The following NUP43 variants were observed in gnomAD, a reference collection of about 807,000 sequenced individuals.
NUP43 encodes nucleoporin 43.
Under a neutral mutation model 47.3 loss-of-function variants are expected in NUP43, and 32 were observed. The ratio of observed to expected loss-of-function variants is 0.68; its 90% CI spans 0.51 to 0.91. The LOEUF is 0.91. NUP43 is among the 40% of genes least tolerant of loss of function. NUP43 has a pLI of 0.00. For synonymous variants in NUP43, 147 were observed against 158.4 expected (o/e 0.93, Z 0.54); for missense variants, 444 against 453.9 (o/e 0.98, Z 0.20).
intron 7 of NUP43, chr6:149,729,647 TC>T: frequency 2.3e-6 from 1 of 433,220 alleles, no homozygotes; most frequent in Non-Finnish European, 3.1e-6. Flanking sequence ...CCTTTTGTTT[TC>T]CCAGCCCTTC....
chr6:149,729,575 C>G (rs1784933629), intron 7 of NUP43: 1 of 967,200 alleles, frequency 1.0e-6, no homozygotes, highest in Admixed American at 6.2e-5. Flanking sequence ...GGGGTACTAA[C>G]AATTACTATT....
chr6:149,727,944 C>T, intron 7 of NUP43: 3 of 984,796 alleles, frequency 3.0e-6, no homozygotes, highest in Non-Finnish European at 2.4e-6. Flanking sequence ...TACTATGTGC[C>T]AGGCTCTGTG....
upstream of NUP43, among the ~76,000 whole-genome samples, chr6:149,748,808 CAAAAAAAAAAAAAAA>C (rs1161065299): frequency 8.9e-4 from 78 of 87,364 alleles, no homozygotes; most frequent in African/African-American, 3.1e-3. Context: ...GACTCCGTCT[CAAAAAAAAAAAAAAA>C]AAAAAAAAAA....
intron 2 of NUP43, 129 bp downstream of exon 2, chr6:149,745,811 C>T: frequency 1.4e-6 from 1 of 711,442 alleles, no homozygotes; most frequent in Non-Finnish European, 2.2e-6. Context: ...TTGGGCAAAT[C>T]ATAACTTACA....
Position 149,736,570 on chromosome 6 carries a change from G to C in NUP43, c.691C>G (p.His231Asp), listed in dbSNP as rs1316740007. 6.2e-7 allele frequency: 1 copy of C among 1,610,232 alleles called. No individual in the cohort carries two copies. The highest frequency in any genetic ancestry group is 8.5e-7 in the Non-Finnish European group (1 of 1,176,936). The change falls in exon 6 of 8, where the codon CAT becomes GAT. Residue 231 changes from histidine to aspartate, a missense_variant. By Grantham distance (81) the His-to-Asp change is moderately conservative. Transcript: ENST00000340413. ...TCTTGGCCACCAGTAGCTACAACAT[G>C]CTGTTGGTTGGGATGTCTATCAACA... is the stretch of plus-strand genomic sequence containing the variant. Reference protein sequence around the residue: ...HCVDRHPNQQHVVATGGQDGM... With the variant: ...HCVDRHPNQQDVVATGGQDGM...
chr6:149,727,119 G>A lies in NUP43; in HGVS notation c.993C>T (p.Leu331=). 1.2e-6 allele frequency: 2 copies of A among 1,614,124 alleles called. No individual in the cohort carries two copies. The highest frequency in any genetic ancestry group is 2.2e-5 in the South Asian group (2 of 91,084). The change falls in exon 8 of 8, where the codon CTC becomes CTT. Residue 331 remains leucine, a synonymous_variant. Coordinates refer to ENST00000340413, the MANE Select transcript of NUP43 (RefSeq NM_198887.3). The part of the protein sequence containing the change: ...NVHQSVISSW[L]STDPAKDRIE... Reference sequence around the variant, plus strand: ...TTCGGTCTTTTGCAGGATCAGTGCTGAGCCAGGAGCTAATGACAGACTGGT... The same window carrying A: ...TTCGGTCTTTTGCAGGATCAGTGCTAAGCCAGGAGCTAATGACAGACTGGT...
At chr6:149,740,691 C>G (rs113555544) in intron 4 of NUP43, among the ~76,000 whole-genome samples, 4,481 of 152,188 alleles carry the variant, frequency 0.029, 236 homozygotes, top group African/African-American at 0.1. Context: ...CCTAGAGATT[C>G]TGATTTAAAA....
At chr6:149,747,479 G>T (rs1273906076), upstream of NUP43, among the ~76,000 whole-genome samples, 1 of 150,510 alleles carries the variant, frequency 6.6e-6, no homozygotes, top group East Asian at 1.9e-4. Context: ...GGAGAGACGG[G>T]ATTTCACCAT....
In NUP43 at chr6:149,746,056, A is replaced by G; in HGVS notation, c.127T>C (p.Tyr43His). 6.2e-7 allele frequency: 1 copy of G among 1,612,606 alleles called. No homozygotes were observed. The highest frequency in any genetic ancestry group is 8.5e-7 in the Non-Finnish European group (1 of 1,179,712). The change falls in exon 2 of 8, where the codon TAT (tyrosine) becomes CAT (histidine). Residue 43 changes from tyrosine (Y) to histidine (H), a missense_variant. By Grantham distance (83) the Tyr-to-His change is moderately conservative. Coordinates refer to ENST00000340413, the MANE Select transcript of NUP43 (RefSeq NM_198887.3). ...ATGSWDNEEN[Y>H]ISLWSIGDFG... Reference sequence around the variant, plus strand: ...TCTCCAATAGACCACAGTGAAATATAATTTTCCTGTAAAACAGAAAGTTTT... The same window carrying G: ...TCTCCAATAGACCACAGTGAAATATGATTTTCCTGTAAAACAGAAAGTTTT...
At position 149,736,478 on chromosome 6, in the gene NUP43, T is replaced by C; in HGVS notation, c.783A>G (p.Glu261=). The part of the protein sequence containing the change: ...TMPVSLLKAH[E]AEMWEVHFHP... ...TATCTTCACAATACTTACTTTCAGC[T>C]TCATGAGCCTTCAGCAGAGATACAG... Residue 261 remains glutamate (E), a synonymous_variant, in exon 6 of 8, where the codon GAA becomes GAG. Coordinates refer to ENST00000340413, the MANE Select transcript of NUP43 (RefSeq NM_198887.3). The C allele has an allele frequency of 2.5e-6, 4 of 1,578,658 alleles. No homozygotes were observed. Among genetic ancestry groups the C allele is most frequent in the Non-Finnish European group, 3.5e-6 (4 of 1,152,286 alleles).
At position 149,727,174 on chromosome 6, in the gene NUP43, G is replaced by A. The variant is rs200011392; in HGVS notation, c.938C>T (p.Ser313Phe). The change falls in exon 8 of 8, where the codon TCT becomes TTT. Residue 313 changes from serine to phenylalanine, a missense_variant. By Grantham distance (155) the Ser-to-Phe change is radical. Transcript: ENST00000340413. ...HQGGRSSTFL[S>F]HSISNQANVH... ...ATTAGCTTGGTTACTAATGCTATGA[G>A]ACAAAAAAGTACTGCTTCTTCCTCC... 3.7e-6 allele frequency: 6 copies of A among 1,612,774 alleles called. No homozygotes were observed. The highest frequency in any genetic ancestry group is 5.1e-6 in the Non-Finnish European group (6 of 1,179,564).
intron 6 of NUP43, among the ~76,000 whole-genome samples, chr6:149,733,684 G>A (rs1785173363): frequency 6.6e-6 from 1 of 151,954 alleles, no homozygotes; most frequent in Admixed American, 6.6e-5. Context: ...GGGCTCAAGA[G>A]ATCTGTTTGC....
chr6:149,727,421 G>A (rs961355051), intron 7 of NUP43: 3 of 983,600 alleles, frequency 3.1e-6, no homozygotes, highest in Admixed American at 1.2e-4. Context: ...TACCAAACTC[G>A]AAGTCTTCAG....
At chr6:149,739,325 C>T (rs918804565) in intron 4 of NUP43, among the ~76,000 whole-genome samples, 2 of 151,996 alleles carry the variant, frequency 1.3e-5, no homozygotes, top group Non-Finnish European at 2.9e-5. Context: ...CTCGCTCTGT[C>T]ACCCAGGCTA....
Position 149,743,657 on chromosome 6 carries a change from A to G in NUP43, c.302T>C (p.Leu101Pro). The change falls in exon 3 of 8, where the codon CTT becomes CCT. Residue 101 changes from leucine to proline, a missense_variant. Transcript: ENST00000340413. Reference sequence around the variant, plus strand: ...CTTTACCTGGTTATTTGGATGGTGAAGGAAAACTGTTACACATCCTGTTGA... The same window carrying G: ...CTTTACCTGGTTATTTGGATGGTGAGGGAAAACTGTTACACATCCTGTTGA... Reference protein sequence around the residue: ...ASSTGCVTVFLHHPNNQTLSV... With the variant: ...ASSTGCVTVFPHHPNNQTLSV... The G allele has an allele frequency of 6.2e-7, 1 of 1,607,298 alleles. No homozygotes were observed. The highest frequency in any genetic ancestry group is 1.1e-5 in the South Asian group (1 of 89,916).
intron 7 of NUP43, among the ~76,000 whole-genome samples, chr6:149,729,763 C>T (rs892632563): frequency 6.6e-6 from 1 of 152,120 alleles, no homozygotes; most frequent in Non-Finnish European, 1.5e-5. Context: ...AGAATATTTG[C>T]TCTATGCGTT....
At chr6:149,733,982 G>A (rs897078472) in intron 6 of NUP43, among the ~76,000 whole-genome samples, 6 of 151,724 alleles carry the variant, frequency 4.0e-5, no homozygotes, top group African/African-American at 9.7e-5. Context: ...GTGCCACCAC[G>A]CCCGGCTAAT....
chr6:149,729,179 C>A (rs1045380531), intron 7 of NUP43, among the ~76,000 whole-genome samples: 1 of 152,058 alleles, frequency 6.6e-6, no homozygotes, highest in African/African-American at 2.4e-5. Context: ...TTAGTAGACA[C>A]AGGGTTTCAC....
intron 7 of NUP43, 176 bp downstream of exon 7, chr6:149,731,437 C>G: frequency 2.1e-6 from 1 of 481,872 alleles, no homozygotes; most frequent in Admixed American, 3.5e-5. Context: ...TGGTGCATGA[C>G]TAGTAGTCCT....
Sources: allele counts gnomAD v4.1 joint callset (sites outside exome capture counted in the v4.1 genomes callset), GRCh38; gene constraint gnomAD v4.1.1; transcripts MANE v1.5; gene names NCBI Gene and HGNC (gene_info 2026-07-23, HGNC 2026-07-21).